EGFLAM: variants seen among roughly 807,000 people sequenced by gnomAD.
EGFLAM encodes the protein pikachurin.
A neutral mutation model predicts 113.1 loss-of-function variants in EGFLAM; 79 were observed. That is an observed-to-expected ratio of 0.70 (90% CI 0.58 to 0.84). The LOEUF (loss-of-function observed/expected upper bound fraction) is 0.84, where lower values mean the gene tolerates loss of function less well. Among genes scored for constraint, EGFLAM ranks in the 40% least tolerant of loss-of-function variants. The pLI is 0.00. For synonymous variants in EGFLAM, 504 were observed against 487.6 expected (o/e 1.03, Z -0.44); for missense variants, 1,265 against 1,291.6 (o/e 0.98, Z 0.32).
At chr5:38,415,685 A>G (rs1390152845) in intron 11 of EGFLAM, among the ~76,000 whole-genome samples, 1 of 152,194 alleles carries the variant, frequency 6.6e-6, no homozygotes. Flanking sequence ...CCCCATTTGT[A>G]TTAGTCCGTT....
At chr5:38,302,002 G>A (rs1044671880) in intron 1 of EGFLAM, among the ~76,000 whole-genome samples, 2 of 152,120 alleles carry the variant, frequency 1.3e-5, no homozygotes, top group African/African-American at 4.8e-5. Flanking sequence ...CACTTTGGGA[G>A]GCCAAGGTGG....
At position 38,409,152 on chromosome 5, in the gene EGFLAM, A is replaced by T. The variant is rs772772195; in HGVS notation, c.1349+48A>T. ...CACTCTTTTTTTGTTACATTATCTT[A>T]CATTATATTTGCCTTTTTATAGTAT... On this transcript the variant is annotated intron_variant, in intron 10 of 21. Coordinates refer to ENST00000322350, the MANE Select transcript of EGFLAM (RefSeq NM_152403.4). 13 of 1,422,018 alleles carry T rather than the reference A, an allele frequency of 9.1e-6. No individual in the cohort carries two copies. The South Asian group carries it at 1.5e-4, about 16-fold the overall frequency. 88.1% of individuals were successfully genotyped at this position (1,422,018 alleles called of 1,614,324 possible). A position where few individuals can be genotyped will look rare whatever the true frequency, so the allele number is the denominator to read the frequency against.
At chr5:38,346,833 C>A (rs1300899785) in intron 3 of EGFLAM, among the ~76,000 whole-genome samples, 1 of 152,146 alleles carries the variant, frequency 6.6e-6, no homozygotes, top group African/African-American at 2.4e-5. Context: ...CCAAACTTGA[C>A]GTGAAACCTG....
At chr5:38,462,765 T>A (rs1292115007) in intron 20 of EGFLAM, 143 bp from the exon 21 acceptor site, 9 of 936,934 alleles carry the variant, frequency 9.6e-6, no homozygotes, top group Non-Finnish European at 1.3e-5. Flanking sequence ...TGCTTTTTGC[T>A]TTGATTTCTG....
chr5:38,280,120 C>T (rs1757977854), intron 1 of EGFLAM, among the ~76,000 whole-genome samples: 1 of 152,152 alleles, frequency 6.6e-6, no homozygotes, highest in African/African-American at 2.4e-5. Flanking sequence ...TGCATATACA[C>T]ATAGTCACTC....
chr5:38,383,791 T>C (rs1216033845), intron 6 of EGFLAM, among the ~76,000 whole-genome samples: 1 of 151,922 alleles, frequency 6.6e-6, no homozygotes, highest in Non-Finnish European at 1.5e-5. Context: ...CAGGGAAGGC[T>C]TCTCTCAAAG....
rs1256746554 is a variant in EGFLAM at position 38,337,524 on chromosome 5, G to A, written c.102G>A (p.Lys34=). ...SLRAAIRKPG[K]VGPPLDIKLG... The stretch of plus-strand genomic sequence containing the variant: ...ATCTCTTTTGTTTGGGGGCAGGCAA[G>A]GTAGGGCCTCCTCTTGACATCAAGC... The change falls in exon 2 of 22, where the codon AAG becomes AAA. Residue 34 remains lysine (K), a synonymous_variant. Coordinates refer to ENST00000322350, the MANE Select transcript of EGFLAM (RefSeq NM_152403.4). 3.8e-6 allele frequency: 6 copies of A among 1,596,408 alleles called. No individual in the cohort carries two copies. The highest frequency in any genetic ancestry group is 1.1e-5 in the South Asian group (1 of 88,290).
chr5:38,333,033 A>G (rs1365879104), intron 1 of EGFLAM, among the ~76,000 whole-genome samples: 1 of 152,216 alleles, frequency 6.6e-6, no homozygotes, highest in East Asian at 1.9e-4. Context: ...GCTCCCACTT[A>G]TAAGTGAGAA....
chr5:38,345,757 A>G (rs1021683429), intron 3 of EGFLAM: 2 of 152,188 alleles, frequency 1.3e-5, no homozygotes, highest in African/African-American at 4.8e-5. Context: ...ACAAAGCAAA[A>G]GACTGTTTCT....
intron 6 of EGFLAM, among the ~76,000 whole-genome samples, chr5:38,379,950 G>T (rs957656830): frequency 2.0e-5 from 3 of 152,160 alleles, no homozygotes; most frequent in African/African-American, 7.2e-5. Flanking sequence ...TTTCTATAAA[G>T]GGCAAGATAG....
At chr5:38,304,224 C>T (rs1410309086) in intron 1 of EGFLAM, among the ~76,000 whole-genome samples, 1 of 151,638 alleles carries the variant, frequency 6.6e-6, no homozygotes, top group Non-Finnish European at 1.5e-5. Flanking sequence ...CCCATAAATT[C>T]TCAGAGTTTG....
intron 5 of EGFLAM, among the ~76,000 whole-genome samples, chr5:38,369,697 G>C (rs1212131063): frequency 6.6e-6 from 1 of 152,164 alleles, no homozygotes; most frequent in Non-Finnish European, 1.5e-5. Context: ...CCCGCCTTCT[G>C]TGTATTACCT....
intron 14 of EGFLAM, chr5:38,429,766 G>A (rs180816389): frequency 6.6e-6 from 1 of 151,878 alleles, no homozygotes. Context: ...TCCTGATACC[G>A]AGCACCTATA....
chr5:38,318,967 C>A (rs1326339305), intron 1 of EGFLAM, among the ~76,000 whole-genome samples: 1 of 152,156 alleles, frequency 6.6e-6, no homozygotes, highest in African/African-American at 2.4e-5. Flanking sequence ...AGAGAACTTT[C>A]TAGAAGGCTG....
At chr5:38,347,019 G>GT (rs1478543786) in intron 3 of EGFLAM, among the ~76,000 whole-genome samples, 1 of 152,126 alleles carries the variant, frequency 6.6e-6, no homozygotes, top group Non-Finnish European at 1.5e-5. Context: ...CAAAGGGGCC[G>GT]TAACTTGGGC....
chr5:38,405,863 C>A (rs1741267370), intron 6 of EGFLAM, among the ~76,000 whole-genome samples: 1 of 152,136 alleles, frequency 6.6e-6, no homozygotes, highest in Non-Finnish European at 1.5e-5. Context: ...TTTTTATTAT[C>A]TGATTGACAT....
intron 5 of EGFLAM, among the ~76,000 whole-genome samples, chr5:38,367,084 C>A (rs1740080050): frequency 6.6e-6 from 1 of 152,164 alleles, no homozygotes. Flanking sequence ...CCTGGCCCAA[C>A]CCTATCTCAC....
intron 10 of EGFLAM, among the ~76,000 whole-genome samples, chr5:38,410,843 T>G (rs1741455288): frequency 6.6e-6 from 1 of 152,222 alleles, no homozygotes; most frequent in Non-Finnish European, 1.5e-5. Context: ...CCTGAAGACC[T>G]GGATTTTTAT....
chr5:38,335,675 A>G (rs753772118), intron 1 of EGFLAM, among the ~76,000 whole-genome samples: 11 of 152,200 alleles, frequency 7.2e-5, no homozygotes, highest in Non-Finnish European at 1.6e-4. Context: ...CTGAGTGGTG[A>G]CAATCGTAGG....
Sources: allele counts gnomAD v4.1 joint callset (sites outside exome capture counted in the v4.1 genomes callset), GRCh38; gene constraint gnomAD v4.1.1; transcripts MANE v1.5; gene names NCBI Gene and HGNC (gene_info 2026-07-23, HGNC 2026-07-21).